Variants in EPHA6 observed in about 807,000 individuals in gnomAD.
The protein encoded by EPHA6 is EPH receptor A6.
Under a neutral mutation model 112.0 loss-of-function variants are expected in EPHA6, and 50 were observed. The observed-to-expected ratio is 0.45, with a 90% CI of 0.36 to 0.56. The LOEUF is 0.56. Ranked by LOEUF, EPHA6 falls within the 20% of genes least tolerant of loss-of-function variation. EPHA6 has a pLI of 0.00. For synonymous variants in EPHA6, 529 were observed against 490.7 expected (o/e 1.08, Z -1.03); for missense variants, 1,280 against 1,417.4 (o/e 0.90, Z 1.56).
At chr3:97,207,823 G>C (rs1346532194) in intron 3 of EPHA6, among the ~76,000 whole-genome samples, 1 of 152,144 alleles carries the variant, frequency 6.6e-6, no homozygotes, top group Non-Finnish European at 1.5e-5. Context: ...TGCTAGAACT[G>C]CTTTTGCAGA....
At chr3:97,006,952 A>C (rs140572845) in intron 3 of EPHA6, among the ~76,000 whole-genome samples, 1 of 152,226 alleles carries the variant, frequency 6.6e-6, no homozygotes, top group East Asian at 1.9e-4. Flanking sequence ...ATTTGATTGC[A>C]CTGTGTTTGG....
At chr3:97,343,940 T>C (rs2083426043) in intron 5 of EPHA6, among the ~76,000 whole-genome samples, 1 of 152,118 alleles carries the variant, frequency 6.6e-6, no homozygotes, top group Non-Finnish European at 1.5e-5. Context: ...TCTCATGGGA[T>C]CTGATGTACT....
At chr3:97,102,479 T>C (rs1158961230) in intron 3 of EPHA6, among the ~76,000 whole-genome samples, 1 of 152,054 alleles carries the variant, frequency 6.6e-6, no homozygotes, top group Admixed American at 6.6e-5. Context: ...GCCCAATATA[T>C]TGTAAATTTA....
chr3:97,554,451 G>C lies in EPHA6; in HGVS notation c.2386+21908G>C, dbSNP rs368685721. 5.3e-5 allele frequency among the ~76,000 whole-genome samples: 8 copies of C among 152,042 alleles called. No individual in the cohort carries two copies. The South Asian group carries it at 1.7e-3, about 32-fold the overall frequency. ...TTAATTTAACAGCTATTTCTTTTAG[G>C]TTTGACTATGAGTAACTGAACAACT... On this transcript the variant is annotated intron_variant, in intron 11 of 17. Transcript: ENST00000389672.
intron 15 of EPHA6, among the ~76,000 whole-genome samples, chr3:97,731,348 T>C (rs971987809): frequency 6.6e-6 from 1 of 152,036 alleles, no homozygotes; most frequent in Non-Finnish European, 1.5e-5. Context: ...TGAAGTGATA[T>C]ATCCTATAGG....
At chr3:97,436,737 C>T (rs1308038137) in intron 6 of EPHA6, among the ~76,000 whole-genome samples, 1 of 152,158 alleles carries the variant, frequency 6.6e-6, no homozygotes, top group African/African-American at 2.4e-5. Context: ...TACTTTAATT[C>T]TGTTGGAAAC....
At chr3:97,579,173 G>A (rs1373712173) in intron 11 of EPHA6, among the ~76,000 whole-genome samples, 3 of 152,112 alleles carry the variant, frequency 2.0e-5, no homozygotes, top group Non-Finnish European at 1.5e-5. Flanking sequence ...CAATAATATT[G>A]TCACTTGCTT....
chr3:96,901,681 G>A (rs1432726198), intron 2 of EPHA6, among the ~76,000 whole-genome samples: 1 of 152,082 alleles, frequency 6.6e-6, no homozygotes, highest in Admixed American at 6.5e-5. Flanking sequence ...AAAGGAAAGA[G>A]GGATGTGTAA....
chr3:96,966,786 T>C (rs1317388610), intron 2 of EPHA6, among the ~76,000 whole-genome samples: 1 of 152,074 alleles, frequency 6.6e-6, no homozygotes, highest in African/African-American at 2.4e-5. Flanking sequence ...TACAATGTGA[T>C]TTTTCTTCTT....
chr3:96,939,320 C>T (rs1362327885), intron 2 of EPHA6, among the ~76,000 whole-genome samples: 1 of 152,162 alleles, frequency 6.6e-6, no homozygotes, highest in African/African-American at 2.4e-5. Context: ...CAGCTTCTTC[C>T]TGTTTTAGTC....
intron 3 of EPHA6, among the ~76,000 whole-genome samples, chr3:97,043,167 C>T (rs150155889): frequency 5.9e-5 from 9 of 152,148 alleles, no homozygotes; most frequent in South Asian, 4.2e-4. Flanking sequence ...ATTGACTCAG[C>T]GGTCTTCCCT....
rs371536996 is a variant in EPHA6 at position 97,635,986 on chromosome 3, C to CA, written c.2575-1878dup. Among the ~76,000 whole-genome samples the CA allele has an allele frequency of 2.4e-3, 349 of 147,138 alleles. 2 individuals carry two copies. The highest frequency in any genetic ancestry group is 5.2e-3 in the African/African-American group (210 of 40,228). On this transcript the variant is annotated intron_variant, in intron 13 of 17. Transcript: ENST00000389672. Reference sequence around the variant, plus strand: ...GGAATTTTCTGACTCATTAAAATTGCAAAAAAAAACACATATAATAACAGT... The same window carrying CA: ...GGAATTTTCTGACTCATTAAAATTGCAAAAAAAAAACACATATAATAACAGT...
At chr3:97,552,470 A>C (rs2093042174) in intron 11 of EPHA6, among the ~76,000 whole-genome samples, 1 of 152,196 alleles carries the variant, frequency 6.6e-6, no homozygotes, top group Admixed American at 6.6e-5. Context: ...TTTGAATCCC[A>C]TCAATGACTT....
chr3:97,075,251 T>C (rs1204360101), intron 3 of EPHA6, among the ~76,000 whole-genome samples: 1 of 152,016 alleles, frequency 6.6e-6, no homozygotes, highest in Non-Finnish European at 1.5e-5. Flanking sequence ...TTTTTGTCAA[T>C]TTGAATTTTT....
intron 5 of EPHA6, among the ~76,000 whole-genome samples, chr3:97,262,046 T>C (rs746222146): frequency 4.6e-5 from 7 of 152,186 alleles, no homozygotes; most frequent in Non-Finnish European, 7.4e-5. Context: ...ACCATTCTTC[T>C]TGCTTCTCTA....
intron 3 of EPHA6, among the ~76,000 whole-genome samples, chr3:96,991,403 G>T (rs1010163230): frequency 1.3e-5 from 2 of 152,164 alleles, no homozygotes; most frequent in African/African-American, 2.4e-5. Flanking sequence ...GAGTTGGAAT[G>T]TCCAAGATAG....
chr3:97,533,696 C>T (rs986606621), intron 11 of EPHA6, among the ~76,000 whole-genome samples: 2 of 152,024 alleles, frequency 1.3e-5, no homozygotes, highest in Non-Finnish European at 2.9e-5. Flanking sequence ...TACGTTGGAG[C>T]TTGTCCTCTT....
rs9881515 is a variant in EPHA6, at chr3:97,755,786, T to C, written c.*7085T>C. Among the ~76,000 whole-genome samples the C allele has an allele frequency of 0.24, 36,851 of 151,936 alleles. 4,526 individuals carry two copies. Among genetic ancestry groups the C allele is most frequent in the East Asian group, 0.3 (1,531 of 5,180 alleles). ...ATTTCTCTACAAGTTTTTCCACATT[T>C]GTAGCTCATCCTTAGAACAGTCTTA... is the stretch of plus-strand genomic sequence containing the variant. On this transcript the variant is annotated 3_prime_UTR_variant, in exon 18 of 18. Coordinates refer to ENST00000389672, the MANE Select transcript of EPHA6 (RefSeq NM_001080448.3).
At chr3:97,419,619 C>CCT (rs1291936089) in intron 6 of EPHA6, among the ~76,000 whole-genome samples, 3 of 140,412 alleles carry the variant, frequency 2.1e-5, no homozygotes, top group Admixed American at 6.7e-5. Context: ...AATGAGACTC[C>CCT]CTCTCACACA....
Sources: allele counts gnomAD v4.1 joint callset (sites outside exome capture counted in the v4.1 genomes callset), GRCh38; gene constraint gnomAD v4.1.1; transcripts MANE v1.5; gene names NCBI Gene and HGNC (gene_info 2026-07-23, HGNC 2026-07-21).